The following RYR3 variants were observed in gnomAD, a reference collection of about 807,000 sequenced individuals.
RYR3 encodes the protein brain ryanodine receptor-calcium release channel.
RYR3 carries 207 observed loss-of-function variants against 584.3 expected under a neutral mutation model. The observed-to-expected ratio is 0.35, with a 90% confidence interval of 0.32 to 0.40. RYR3 has a LOEUF of 0.40. RYR3 is among the 10% of genes least tolerant of loss of function. The pLI, the probability that RYR3 is intolerant of heterozygous loss-of-function variation, is 1.00. For synonymous variants in RYR3, 2,416 were observed against 2,248.5 expected (o/e 1.07, Z -2.11); for missense variants, 5,616 against 6,089.2 (o/e 0.92, Z 2.59).
intron 16 of RYR3, among the ~76,000 whole-genome samples, chr15:33,586,488 G>A (rs999381746): frequency 1.3e-5 from 2 of 152,162 alleles, no homozygotes; most frequent in African/African-American, 2.4e-5. Context: ...TATAGAAAAG[G>A]TATGAAGAAA....
chr15:33,428,735 C>G (rs958499256), intron 1 of RYR3, among the ~76,000 whole-genome samples: 5 of 151,414 alleles, frequency 3.3e-5, no homozygotes, highest in African/African-American at 1.2e-4. Context: ...ATTTTTTTTT[C>G]CGTGACTTCA....
chr15:33,621,693 ATAAT>A (rs1223092148), intron 19 of RYR3, among the ~76,000 whole-genome samples: 1 of 152,178 alleles, frequency 6.6e-6, no homozygotes, highest in African/African-American at 2.4e-5. Context: ...TATGATTTCT[ATAAT>A]TAATTTTAAA....
At chr15:33,719,330 T>C (rs2067727423) in intron 43 of RYR3, among the ~76,000 whole-genome samples, 1 of 152,196 alleles carries the variant, frequency 6.6e-6, no homozygotes, top group Non-Finnish European at 1.5e-5. Flanking sequence ...AAGCTCAACG[T>C]AGAACTCACA....
At chr15:33,335,587 T>TGATGAAATCATCTGTACAG (rs1970866868) in intron 1 of RYR3, among the ~76,000 whole-genome samples, 2 of 152,160 alleles carry the variant, frequency 1.3e-5, no homozygotes, top group African/African-American at 4.8e-5. Context: ...AATACCTAGG[T>TGATGAAATCATCTGTACAG]GATGAAATCA....
intron 30 of RYR3, 90 bp from the exon 31 acceptor site, chr15:33,648,982 G>A: frequency 7.7e-7 from 1 of 1,294,424 alleles, no homozygotes; most frequent in Non-Finnish European, 1.1e-6. Context: ...GGCCAAGTGA[G>A]CTGCTGTGTT....
chr15:33,860,000 T>C (rs1003768507), intron 100 of RYR3, among the ~76,000 whole-genome samples: 4 of 152,218 alleles, frequency 2.6e-5, no homozygotes, highest in African/African-American at 7.2e-5. Flanking sequence ...TCCTCACTTC[T>C]GCTTCTGAGA....
intron 17 of RYR3, among the ~76,000 whole-genome samples, 167 bp downstream of exon 17, chr15:33,601,719 G>A (rs1351506263): frequency 1.3e-5 from 2 of 152,142 alleles, no homozygotes; most frequent in African/African-American, 4.8e-5. Context: ...TATGACTAGG[G>A]CCTCCAACAC....
At chr15:33,631,741 A>G (rs1053654277) in intron 23 of RYR3, among the ~76,000 whole-genome samples, 2 of 152,106 alleles carry the variant, frequency 1.3e-5, no homozygotes, top group Admixed American at 6.5e-5. Context: ...CTCCCACTAC[A>G]TTCAGACACA....
At position 33,323,602 on chromosome 15, in the gene RYR3, TTG is replaced by T. The variant is rs60413789; in HGVS notation, c.51+12507_51+12508del. ...TTACTACAATTTCTAAGTCAATTAA[TTG>T]AGAAAAAAAATCTAAATAGCTCTCC... On this transcript the variant is annotated intron_variant, in intron 1 of 103. Coordinates refer to ENST00000634891, the MANE Select transcript of RYR3 (RefSeq NM_001036.6). Among the ~76,000 whole-genome samples the T allele has an allele frequency of 6.0e-3, 921 of 152,236 alleles. 9 individuals carry two copies. The highest frequency in any genetic ancestry group is 0.021 in the African/African-American group (873 of 41,536).
intron 16 of RYR3, among the ~76,000 whole-genome samples, chr15:33,599,667 T>C (rs1219831138): frequency 6.6e-6 from 1 of 152,214 alleles, no homozygotes; most frequent in Non-Finnish European, 1.5e-5. Flanking sequence ...CCTAAGCAGT[T>C]TCCAGCTTGA....
At chr15:33,762,605 G>A (rs13379931) in intron 60 of RYR3, among the ~76,000 whole-genome samples, 1 of 152,134 alleles carries the variant, frequency 6.6e-6, no homozygotes, top group Non-Finnish European at 1.5e-5. Context: ...CACTGCCCAA[G>A]AAAATAAGAG....
chr15:33,854,183 G>T (rs2079396385), intron 96 of RYR3, among the ~76,000 whole-genome samples: 1 of 110,652 alleles, frequency 9.0e-6, no homozygotes, highest in Non-Finnish European at 1.9e-5. Flanking sequence ...GTGATAGAGT[G>T]AGACTCCGTT....
chr15:33,848,345 G>A lies in RYR3; in HGVS notation c.13552G>A (p.Asp4518Asn). 1 of 1,613,812 alleles carries A rather than the reference G, an allele frequency of 6.2e-7. No individual in the cohort carries two copies. The highest frequency in any genetic ancestry group is 8.5e-7 in the Non-Finnish European group (1 of 1,179,904). ...AGAAATCGCCAGGAAGCTGGAGTTTGATGGCCTATATATCACCGAACAGCC... is the reference window on the plus strand; with the variant it reads ...AGAAATCGCCAGGAAGCTGGAGTTTAATGGCCTATATATCACCGAACAGCC... ...EKEIARKLEFDGLYITEQPSE... is the reference protein window; with the variant it reads ...EKEIARKLEFNGLYITEQPSE... The change falls in exon 94 of 104, where the codon GAT becomes AAT. Residue 4518 changes from aspartate (D) to asparagine (N), a missense_variant. By Grantham distance (23) the Asp-to-Asn change is conservative (BLOSUM62 1). This residue lies in a region of RYR3 where 918 missense variants were observed against 887.4 expected (regional missense o/e 1.03). Coordinates refer to ENST00000634891, the MANE Select transcript of RYR3 (RefSeq NM_001036.6).
chr15:33,392,699 A>C (rs2042078057), intron 1 of RYR3, among the ~76,000 whole-genome samples: 1 of 152,170 alleles, frequency 6.6e-6, no homozygotes, highest in Non-Finnish European at 1.5e-5. Context: ...CAGAGAGTAG[A>C]AAATGCTTGT....
intron 16 of RYR3, among the ~76,000 whole-genome samples, chr15:33,598,246 C>CAAAAAAAAAAAAAAAAAAAAAAAAA (rs35785154): frequency 1.3e-5 from 1 of 74,312 alleles, no homozygotes; most frequent in African/African-American, 5.4e-5. Flanking sequence ...AAAAATTGCT[C>CAAAAAAAAAAAAAAAAAAAAAAAAA]AAAAAAAAAA....
rs567545655 is a variant in RYR3, at chr15:33,833,356, C to T, written c.11464-1612C>T. On this transcript the variant is annotated intron_variant, in intron 86 of 103. Transcript: ENST00000634891. Reference sequence around the variant, plus strand: ...CTTGTTCTATGAAAAATATTAAATTCTCATCAAATAAAGATCCATGTGATG... The same window carrying T: ...CTTGTTCTATGAAAAATATTAAATTTTCATCAAATAAAGATCCATGTGATG... Among the ~76,000 whole-genome samples, 359 of 152,112 alleles carry T rather than the reference C, an allele frequency of 2.4e-3. 1 individual carries two copies. The highest frequency in any genetic ancestry group is 4.3e-3 in the Admixed American group (65 of 15,282).
intron 5 of RYR3, among the ~76,000 whole-genome samples, chr15:33,535,156 T>C (rs1447311867): frequency 2.6e-5 from 4 of 152,236 alleles, no homozygotes; most frequent in Admixed American, 6.5e-5. Context: ...GTTCCAATGT[T>C]GGGTAGCCAA....
intron 2 of RYR3, among the ~76,000 whole-genome samples, chr15:33,485,064 A>G (rs540644083): frequency 6.6e-6 from 1 of 152,326 alleles, no homozygotes; most frequent in African/African-American, 2.4e-5. Context: ...ATAAGAAGGA[A>G]CATCCTGAGA....
intron 16 of RYR3, among the ~76,000 whole-genome samples, chr15:33,599,137 G>A (rs902462490): frequency 1.3e-5 from 2 of 151,960 alleles, no homozygotes; most frequent in African/African-American, 4.8e-5. Flanking sequence ...TCTGGAGGGA[G>A]TACTCTCAGA....
Sources: allele counts gnomAD v4.1 joint callset (sites outside exome capture counted in the v4.1 genomes callset), GRCh38; gene constraint gnomAD v4.1.1; regional missense constraint gnomAD v4.1.1; transcripts MANE v1.5; gene names NCBI Gene and HGNC (gene_info 2026-07-23, HGNC 2026-07-21).